The following RBMS3 variants were observed in gnomAD, a reference collection of about 807,000 sequenced individuals.
RBMS3 encodes RNA binding motif single stranded interacting protein 3, also known as RNA-binding motif, single-stranded-interacting protein 3.
RBMS3 carries 27 observed loss-of-function variants against 66.8 expected under a neutral mutation model. That is an observed-to-expected ratio of 0.40 (90% CI 0.30 to 0.56). The LOEUF (loss-of-function observed/expected upper bound fraction) is 0.56. Among genes scored for constraint, RBMS3 ranks in the 20% least tolerant of loss-of-function variants. The probability of loss-of-function intolerance (pLI) is 0.40; values close to 1 mark genes in which losing one functional copy is unlikely to be tolerated. For missense variants in RBMS3, 513 were observed against 549.5 expected (o/e 0.93, Z 0.66); for synonymous variants, 188 against 183.0 (o/e 1.03, Z -0.22).
intron 6 of RBMS3, among the ~76,000 whole-genome samples, chr3:29,845,500 A>T (rs2058755549): frequency 6.6e-6 from 1 of 152,240 alleles, no homozygotes; most frequent in Admixed American, 6.5e-5. Context: ...TGTTTTTATT[A>T]TAACAGTGTT....
At position 29,671,167 on chromosome 3, in the gene RBMS3, A is replaced by C. The variant is rs546362119; in HGVS notation, c.400-68553A>C. ...CTGTACTGGACCTCCAGCAAACTCC[A>C]ACAGACCTGCAGCTGAGGGTCCTGA... On this transcript the variant is annotated intron_variant, in intron 4 of 14. Coordinates refer to ENST00000383767, the MANE Select transcript of RBMS3 (RefSeq NM_001003793.3). Among the ~76,000 whole-genome samples, 33 of 152,338 alleles carry C rather than the reference A, an allele frequency of 2.2e-4. 1 individual carries two copies. In the East Asian group the frequency reaches 2.3e-3, roughly 11 times the overall value.
intron 6 of RBMS3, among the ~76,000 whole-genome samples, chr3:29,771,355 C>G (rs1194808622): frequency 1.3e-5 from 2 of 151,992 alleles, no homozygotes; most frequent in East Asian, 3.9e-4. Context: ...CCTTTGAAAA[C>G]AAGGACTGCA....
At chr3:29,549,941 TTA>T (rs911444031) in intron 3 of RBMS3, among the ~76,000 whole-genome samples, 2 of 151,772 alleles carry the variant, frequency 1.3e-5, no homozygotes, top group Non-Finnish European at 2.9e-5. Flanking sequence ...GTCCTTGCTC[TTA>T]TATATATATA....
At chr3:29,739,612 C>A in intron 4 of RBMS3, 108 bp from the exon 5 acceptor site, 1 of 1,036,720 alleles carries the variant, frequency 9.6e-7, no homozygotes, top group Non-Finnish European at 1.3e-6. Context: ...CTTTCAAGAG[C>A]ATTTTGGAGA....
At chr3:29,986,652 G>T (rs1292145168) in intron 12 of RBMS3, among the ~76,000 whole-genome samples, 5 of 152,162 alleles carry the variant, frequency 3.3e-5, no homozygotes, top group Non-Finnish European at 5.9e-5. Context: ...TGTTGAAAAG[G>T]CAGATGCTGG....
At chr3:29,476,020 C>A (rs1202929619) in intron 2 of RBMS3, among the ~76,000 whole-genome samples, 3 of 152,112 alleles carry the variant, frequency 2.0e-5, no homozygotes, top group Non-Finnish European at 4.4e-5. Flanking sequence ...TAGGTGTGTT[C>A]TTTGTCATGT....
chr3:29,284,548 C>T (rs905679110), intron 1 of RBMS3, among the ~76,000 whole-genome samples: 5 of 151,938 alleles, frequency 3.3e-5, no homozygotes, highest in Non-Finnish European at 7.4e-5. Context: ...GTTTCCATTC[C>T]CTGGAATACA....
At chr3:29,378,692 T>C (rs1319559254) in intron 1 of RBMS3, among the ~76,000 whole-genome samples, 1 of 152,234 alleles carries the variant, frequency 6.6e-6, no homozygotes, top group African/African-American at 2.4e-5. Context: ...ATTTTTAATA[T>C]ACATTTTCTC....
intron 1 of RBMS3, among the ~76,000 whole-genome samples, chr3:29,305,295 T>A (rs2033931925): frequency 6.6e-6 from 1 of 152,034 alleles, no homozygotes; most frequent in African/African-American, 2.4e-5. Context: ...GATATTTTTC[T>A]GTTTATTTTC....
At chr3:29,420,947 GA>G (rs397757488) in intron 1 of RBMS3, among the ~76,000 whole-genome samples, 1,416 of 125,434 alleles carry the variant, frequency 0.011, 23 homozygotes, top group African/African-American at 0.029. Context: ...TACTAAAAAT[GA>G]AAAAAAAAAA....
intron 4 of RBMS3, chr3:29,616,756 A>T (rs1276098682): frequency 6.6e-6 from 1 of 152,170 alleles, no homozygotes; most frequent in Non-Finnish European, 1.5e-5. Context: ...TATTCTTTAC[A>T]TTCCTGGGAA....
intron 3 of RBMS3, among the ~76,000 whole-genome samples, chr3:29,568,121 C>A (rs906283890): frequency 1.3e-5 from 2 of 152,148 alleles, no homozygotes; most frequent in East Asian, 1.9e-4. Context: ...ATTGTATAAT[C>A]ATTCTTCACA....
chr3:29,884,467 TCTCC>T (rs1327745386), intron 8 of RBMS3, among the ~76,000 whole-genome samples: 1,050 of 74,828 alleles, frequency 0.014, 97 homozygotes, highest in South Asian at 0.024. Flanking sequence ...TCTCTCTCTC[TCTCC>T]CCCCCCGCTC....
chr3:29,661,282 C>T (rs2050536970), intron 4 of RBMS3, among the ~76,000 whole-genome samples: 1 of 152,140 alleles, frequency 6.6e-6, no homozygotes, highest in Non-Finnish European at 1.5e-5. Context: ...TCTTCATATT[C>T]CACCTTCCCA....
intron 4 of RBMS3, among the ~76,000 whole-genome samples, chr3:29,594,402 T>A (rs2047871803): frequency 6.6e-6 from 1 of 152,204 alleles, no homozygotes; most frequent in Non-Finnish European, 1.5e-5. Flanking sequence ...TCTACAGTTG[T>A]GGAATGCACT....
chr3:29,693,874 C>T (rs1423011801), intron 4 of RBMS3, among the ~76,000 whole-genome samples: 1 of 152,148 alleles, frequency 6.6e-6, no homozygotes, highest in African/African-American at 2.4e-5. Context: ...AAATACTACT[C>T]TTGTTTTGTT....
intron 6 of RBMS3, among the ~76,000 whole-genome samples, chr3:29,821,410 A>G (rs892790919): frequency 6.6e-6 from 1 of 152,122 alleles, no homozygotes; most frequent in Non-Finnish European, 1.5e-5. Context: ...ATAGTCTACA[A>G]TGCTACTGGA....
rs1699875513 is a variant in RBMS3, at chr3:30,008,753, A to G, written c.*4891A>G. 1 of 152,118 alleles carries G rather than the reference A, an allele frequency of 6.6e-6. No individual in the cohort carries two copies. Among genetic ancestry groups the G allele is most frequent in the African/African-American group, 2.4e-5 (1 of 41,432 alleles). 9.4% of individuals were successfully genotyped at this position (152,118 alleles called of 1,614,324 possible). On this transcript the variant is annotated 3_prime_UTR_variant, in exon 15 of 15. Transcript: ENST00000383767. The stretch of plus-strand genomic sequence containing the variant: ...ATTGGAAGACAGTTGGGTCTGACTC[A>G]AGTTTAACATTTCTTACCAAACATT...
chr3:29,581,665 C>T (rs1413586691), intron 3 of RBMS3, among the ~76,000 whole-genome samples: 1 of 152,218 alleles, frequency 6.6e-6, no homozygotes, highest in Non-Finnish European at 1.5e-5. Context: ...TCACATTTGA[C>T]TCACGGTTGG....
Sources: gnomAD v4.1 joint callset for allele counts (sites outside exome capture counted in the v4.1 genomes callset) on GRCh38, gnomAD v4.1.1 for gene constraint, MANE v1.5 for transcripts, NCBI Gene and HGNC (gene_info 2026-07-23, HGNC 2026-07-21) for gene names.